NCKAP5: variants seen among roughly 807,000 people sequenced by gnomAD.
NCKAP5 encodes the protein nck-associated protein 5.
A neutral mutation model predicts 167.0 loss-of-function variants in NCKAP5; 92 were observed. The observed-to-expected ratio is 0.55, with a 90% CI of 0.47 to 0.66. The LOEUF (loss-of-function observed/expected upper bound fraction) is 0.66, where lower values mean the gene tolerates loss of function less well. Ranked by LOEUF, NCKAP5 falls within the 30% of genes least tolerant of loss-of-function variation. The pLI is 0.00. For synonymous variants in NCKAP5, 891 were observed against 877.4 expected (o/e 1.02, Z -0.27); for missense variants, 2,378 against 2,315.0 (o/e 1.03, Z -0.56).
At position 132,695,765 on chromosome 2, in the gene NCKAP5, C is replaced by T. The variant is rs76901182; in HGVS notation, c.5714-22460G>A. ...GTTACCTCCAGCTCAGCCACCATCA[C>T]CCATATTTGCATTTCCCCCATCTGT... On this transcript the variant is annotated intron_variant, in intron 19 of 19. Coordinates refer to ENST00000409261, the MANE Select transcript of NCKAP5 (RefSeq NM_207363.3). Among the ~76,000 whole-genome samples, 237 of 152,278 alleles carry T rather than the reference C, an allele frequency of 1.6e-3. 2 individuals are homozygous for T. The highest frequency in any genetic ancestry group is 5.3e-3 in the African/African-American group (220 of 41,550).
chr2:133,441,162 C>T (rs141081830), intron 3 of NCKAP5, among the ~76,000 whole-genome samples: 271 of 151,168 alleles, frequency 1.8e-3, no homozygotes, highest in African/African-American at 6.5e-3. Context: ...TTTTTCCTTC[C>T]TCTGTCACCC....
intron 11 of NCKAP5, among the ~76,000 whole-genome samples, chr2:132,813,228 C>G (rs1041382603): frequency 6.6e-6 from 1 of 152,310 alleles, no homozygotes; most frequent in East Asian, 1.9e-4. Context: ...GAACTTGGGT[C>G]AAGTCACACA....
At chr2:133,109,267 G>A (rs1291820473) in intron 6 of NCKAP5, among the ~76,000 whole-genome samples, 1 of 152,186 alleles carries the variant, frequency 6.6e-6, no homozygotes, top group Non-Finnish European at 1.5e-5. Context: ...CTCACATCAG[G>A]TGATGCGTGC....
intron 19 of NCKAP5, among the ~76,000 whole-genome samples, chr2:132,722,506 A>G (rs1425119795): frequency 6.6e-6 from 1 of 152,170 alleles, no homozygotes; most frequent in Non-Finnish European, 1.5e-5. Context: ...ATAAGGCAGG[A>G]GGACCTAGTC....
At chr2:133,337,649 G>A (rs1355307127) in intron 3 of NCKAP5, among the ~76,000 whole-genome samples, 2 of 152,200 alleles carry the variant, frequency 1.3e-5, no homozygotes, top group African/African-American at 4.8e-5. Context: ...ACAGAAAGAT[G>A]ACTGTGTGAA....
intron 3 of NCKAP5, among the ~76,000 whole-genome samples, chr2:133,308,113 G>T (rs949511862): frequency 2.3e-5 from 3 of 130,060 alleles, no homozygotes; most frequent in African/African-American, 9.0e-5. Flanking sequence ...TTTTGAGACG[G>T]AGTCTCGCTC....
rs561433743 is a variant in NCKAP5 at position 133,019,760 on chromosome 2, C to T, written c.342-25521G>A. ...GAAGGAACCTTAAGATTTGAAAATG[C>T]AGCTAACTATAGATAAAAATCATAA... On this transcript the variant is annotated intron_variant, in intron 6 of 19. Coordinates refer to ENST00000409261, the MANE Select transcript of NCKAP5 (RefSeq NM_207363.3). Among the ~76,000 whole-genome samples, 20 of 152,322 alleles carry T rather than the reference C, an allele frequency of 1.3e-4. 1 individual carries two copies. In the South Asian group the frequency reaches 3.9e-3, roughly 30 times the overall value.
At chr2:133,563,154 T>C (rs1289924955) in intron 1 of NCKAP5, among the ~76,000 whole-genome samples, 1 of 152,174 alleles carries the variant, frequency 6.6e-6, no homozygotes, top group East Asian at 1.9e-4. Flanking sequence ...TATTTCCAAT[T>C]TTTTCTTTGT....
chr2:133,159,704 A>G (rs2083709826), intron 5 of NCKAP5, among the ~76,000 whole-genome samples: 1 of 152,230 alleles, frequency 6.6e-6, no homozygotes, highest in African/African-American at 2.4e-5. Flanking sequence ...TTTATACAGT[A>G]AATAGTATTT....
At chr2:133,656,393 G>A in the NCKAP5 span, among the ~76,000 whole-genome samples, 14 of 152,120 alleles carry the variant, frequency 9.2e-5, no homozygotes, top group Admixed American at 3.9e-4. Flanking sequence ...CCTGACACTC[G>A]CTAAGTGCTC....
chr2:133,081,315 T>G (rs2080798227), intron 6 of NCKAP5, among the ~76,000 whole-genome samples: 1 of 152,162 alleles, frequency 6.6e-6, no homozygotes, highest in Admixed American at 6.5e-5. Flanking sequence ...ATGTAAAAAC[T>G]AAAGTGAAAG....
chr2:133,047,318 T>C (rs1374576195), intron 6 of NCKAP5, among the ~76,000 whole-genome samples: 1 of 152,200 alleles, frequency 6.6e-6, no homozygotes, highest in Admixed American at 6.5e-5. Flanking sequence ...CCCCACAGAA[T>C]GTAATGCCTG....
intron 6 of NCKAP5, among the ~76,000 whole-genome samples, chr2:133,115,715 C>A (rs1457426010): frequency 6.9e-6 from 1 of 145,488 alleles, no homozygotes; most frequent in Non-Finnish European, 1.5e-5. Flanking sequence ...TGTGTGTGGA[C>A]ATACACACAT....
At chr2:132,675,550 T>C (rs1214922130) in intron 19 of NCKAP5, among the ~76,000 whole-genome samples, 1 of 152,020 alleles carries the variant, frequency 6.6e-6, no homozygotes, top group African/African-American at 2.4e-5. Context: ...CACCAGAAAC[T>C]CTGAGGGCCA....
chr2:132,927,547 T>G (rs1696001039), intron 8 of NCKAP5, among the ~76,000 whole-genome samples: 1 of 152,164 alleles, frequency 6.6e-6, no homozygotes. Flanking sequence ...CCTTAATCAC[T>G]GTTTTGTAAT....
chr2:133,303,334 C>T lies in NCKAP5; in HGVS notation c.70-224G>A, dbSNP rs981544055. ...ATCACAGAAGTGAACTGTCATTACA[C>T]TGAGTCAGCATTACAATCCTCTTAT... On this transcript the variant is annotated intron_variant, in intron 3 of 19. Coordinates refer to ENST00000409261, the MANE Select transcript of NCKAP5 (RefSeq NM_207363.3). 5.3e-5 allele frequency among the ~76,000 whole-genome samples: 8 copies of T among 152,312 alleles called. 1 individual carries two copies. The highest frequency in any genetic ancestry group is 6.5e-5 in the Admixed American group (1 of 15,300).
In NCKAP5 at chr2:133,057,239, A is replaced by G. The variant is rs555864633; in HGVS notation, c.342-63000T>C. On this transcript the variant is annotated intron_variant, in intron 6 of 19. Transcript: ENST00000409261. The stretch of plus-strand genomic sequence containing the variant: ...TTAATTGAGACATAATATTAAAATA[A>G]GGTCAATTAATAACCCTACAATAGC... Among the ~76,000 whole-genome samples, 7 of 152,342 alleles carry G rather than the reference A, an allele frequency of 4.6e-5. No individual in the cohort carries two copies. The East Asian group carries it at 1.3e-3, about 29-fold the overall frequency.
intron 2 of NCKAP5, among the ~76,000 whole-genome samples, chr2:133,546,230 C>T (rs764565680): frequency 6.6e-6 from 1 of 152,112 alleles, no homozygotes; most frequent in Non-Finnish European, 1.5e-5. Context: ...AAAGTGCCCC[C>T]ACTGAGGAGT....
At chr2:132,973,034 T>C (rs1210821379) in intron 7 of NCKAP5, among the ~76,000 whole-genome samples, 1 of 152,114 alleles carries the variant, frequency 6.6e-6, no homozygotes, top group East Asian at 1.9e-4. Context: ...GAAGAAAAGT[T>C]GGAACATTTT....
Sources: allele counts gnomAD v4.1 joint callset (sites outside exome capture counted in the v4.1 genomes callset), GRCh38; gene constraint gnomAD v4.1.1; transcripts MANE v1.5; gene names NCBI Gene and HGNC (gene_info 2026-07-23, HGNC 2026-07-21).